Variants in TAFA5 observed in about 807,000 individuals in gnomAD.
TAFA5 encodes the protein chemokine-like protein TAFA-5.
TAFA5 carries 6 observed loss-of-function variants against 15.3 expected under a neutral mutation model. The ratio of observed to expected loss-of-function variants is 0.39; its 90% CI spans 0.21 to 0.77. The LOEUF (loss-of-function observed/expected upper bound fraction) is 0.77, where lower values mean the gene tolerates loss of function less well. TAFA5 is among the 30% of genes least tolerant of loss of function. The pLI, the probability that TAFA5 is intolerant of heterozygous loss-of-function variation, is 0.41. For synonymous variants in TAFA5, 103 were observed against 80.7 expected (o/e 1.28, Z -1.48); for missense variants, 161 against 193.1 (o/e 0.83, Z 0.98).
At chr22:48,699,975 A>G (rs1041567504) in intron 2 of TAFA5, among the ~76,000 whole-genome samples, 2 of 152,200 alleles carry the variant, frequency 1.3e-5, no homozygotes, top group Admixed American at 6.5e-5. Context: ...TACACGGGGT[A>G]TTGGGAGTGG....
At chr22:48,697,306 G>A (rs1485620708) in intron 2 of TAFA5, among the ~76,000 whole-genome samples, 1 of 152,192 alleles carries the variant, frequency 6.6e-6, no homozygotes, top group Non-Finnish European at 1.5e-5. Flanking sequence ...CCAGGTAGCT[G>A]CTGACGATGG....
chr22:48,548,564 G>A (rs988760398), intron 1 of TAFA5, among the ~76,000 whole-genome samples: 1 of 152,176 alleles, frequency 6.6e-6, no homozygotes, highest in African/African-American at 2.4e-5. Context: ...TCCAGGCTCT[G>A]GGGCAGGGGA....
At chr22:48,739,579 G>T (rs1201916104) in intron 3 of TAFA5, among the ~76,000 whole-genome samples, 1 of 152,166 alleles carries the variant, frequency 6.6e-6, no homozygotes, top group African/African-American at 2.4e-5. Flanking sequence ...GTGGGTGAGT[G>T]GCCGGCACTG....
At chr22:48,637,867 G>C (rs1469362237) in intron 1 of TAFA5, among the ~76,000 whole-genome samples, 1 of 151,876 alleles carries the variant, frequency 6.6e-6, no homozygotes, top group Non-Finnish European at 1.5e-5. Context: ...TTCTCCTTCC[G>C]GTTTATGAAT....
intron 1 of TAFA5, among the ~76,000 whole-genome samples, chr22:48,582,038 G>A (rs1924066138): frequency 6.6e-6 from 1 of 152,082 alleles, no homozygotes; most frequent in South Asian, 2.1e-4. Flanking sequence ...GCTCCTTTGA[G>A]ACCAACCATG....
At chr22:48,706,377 G>A (rs1436500408) in intron 2 of TAFA5, among the ~76,000 whole-genome samples, 1 of 152,240 alleles carries the variant, frequency 6.6e-6, no homozygotes, top group Admixed American at 6.5e-5. Context: ...CGAGGAAGGG[G>A]AGGAAAAGGC....
intron 1 of TAFA5, chr22:48,546,613 T>A (rs1306589582): frequency 2.1e-6 from 1 of 471,078 alleles, no homozygotes; most frequent in Non-Finnish European, 4.4e-6. Flanking sequence ...CCTAAAAGGA[T>A]CAAGAGTGCG....
chr22:48,575,737 G>A (rs1923753317), intron 1 of TAFA5, among the ~76,000 whole-genome samples: 1 of 145,478 alleles, frequency 6.9e-6, no homozygotes, highest in Admixed American at 6.8e-5. Flanking sequence ...GTCCGGTGGG[G>A]ACCGGCCCGC....
intron 1 of TAFA5, chr22:48,547,336 G>C (rs1336178144): frequency 6.6e-6 from 1 of 152,254 alleles, no homozygotes; most frequent in African/African-American, 2.4e-5. Flanking sequence ...GGGGAATGTT[G>C]CTTTGGAACA....
chr22:48,678,478 G>T (rs1330069205), intron 2 of TAFA5, among the ~76,000 whole-genome samples: 1 of 151,846 alleles, frequency 6.6e-6, no homozygotes, highest in Non-Finnish European at 1.5e-5. Context: ...GAGGCCTGTG[G>T]TCCAGGGAAG....
At chr22:48,687,961 T>C (rs192946926) in intron 2 of TAFA5, among the ~76,000 whole-genome samples, 1 of 152,206 alleles carries the variant, frequency 6.6e-6, no homozygotes, top group East Asian at 1.9e-4. Flanking sequence ...CTTAAATAGC[T>C]TCTGTCAGTT....
intron 1 of TAFA5, among the ~76,000 whole-genome samples, chr22:48,601,156 ATAGGT>A (rs1924956366): frequency 6.6e-6 from 1 of 151,970 alleles, no homozygotes; most frequent in Non-Finnish European, 1.5e-5. Context: ...ACACTTTGTC[ATAGGT>A]TTGTATGTAG....
intron 1 of TAFA5, among the ~76,000 whole-genome samples, chr22:48,496,903 C>T (rs764513564): frequency 5.3e-5 from 8 of 152,192 alleles, no homozygotes; most frequent in Non-Finnish European, 1.0e-4. Context: ...AAAGCAATAC[C>T]ACTAACACAG....
intron 2 of TAFA5, among the ~76,000 whole-genome samples, chr22:48,649,389 C>T (rs1329880473): frequency 6.6e-6 from 1 of 152,168 alleles, no homozygotes; most frequent in African/African-American, 2.4e-5. Flanking sequence ...GCGCGAGAGG[C>T]TGAGCTTGCT....
rs901798714 is a variant in TAFA5 at position 48,517,783 on chromosome 22, G to A, written c.112+28079G>A. Among the ~76,000 whole-genome samples the A allele has an allele frequency of 9.6e-4, 146 of 152,070 alleles. 1 individual carries two copies. Among genetic ancestry groups the A allele is most frequent in the African/African-American group, 3.1e-3 (129 of 41,482 alleles). ...CCTGCTTCCCGGGGCCACCTCTGCC[G>A]TGCCGTCTCCTCCCTCTCCCCTGCC... On this transcript the variant is annotated intron_variant, in intron 1 of 3. Coordinates refer to ENST00000402357, the MANE Select transcript of TAFA5 (RefSeq NM_001082967.3).
intron 1 of TAFA5, among the ~76,000 whole-genome samples, chr22:48,580,311 A>G (rs1014389238): frequency 4.6e-5 from 7 of 152,246 alleles, no homozygotes; most frequent in Admixed American, 4.6e-4. Context: ...CCGCGCAGTC[A>G]TCATTAATTG....
rs2147131890 is a variant in TAFA5, at chr22:48,560,444, G to A, written c.112+70740G>A. Among the ~76,000 whole-genome samples the A allele has an allele frequency of 6.6e-6, 1 of 152,232 alleles. No individual in the cohort carries two copies. The highest frequency in any genetic ancestry group is 6.5e-5 in the Admixed American group (1 of 15,300). ...GGTGCAGGTAGGCCATCAGGGCCTG[G>A]GGCCAGCCCGGGCAAGGACAGTGCC... On this transcript the variant is annotated intron_variant, in intron 1 of 3. Transcript: ENST00000402357. This position sits in a 1 kb window ranked among gnomAD's most constrained non-coding sequence, Gnocchi z 4.2.
rs115828377 is a variant in TAFA5, at chr22:48,653,837, C to G, written c.262+7091C>G. Among the ~76,000 whole-genome samples the G allele has an allele frequency of 8.3e-3, 1,261 of 152,184 alleles. 13 individuals are homozygous for G. The highest frequency in any genetic ancestry group is 0.029 in the African/African-American group (1,189 of 41,518). On this transcript the variant is annotated intron_variant, in intron 2 of 3. Coordinates refer to ENST00000402357, the MANE Select transcript of TAFA5 (RefSeq NM_001082967.3). ...ACAGCTCAGGGTGAAGGAGAGGAGA[C>G]CCCAGCATTCACGGGCACTACGTGA...
At chr22:48,642,075 C>T (rs1002680112) in intron 1 of TAFA5, among the ~76,000 whole-genome samples, 5 of 151,588 alleles carry the variant, frequency 3.3e-5, no homozygotes, top group African/African-American at 7.3e-5. Flanking sequence ...GAGGGGCCTG[C>T]ACTTTTCTGA....
Sources: allele counts gnomAD v4.1 joint callset (sites outside exome capture counted in the v4.1 genomes callset), GRCh38; gene constraint gnomAD v4.1.1; non-coding constraint Gnocchi (gnomAD v3.1); transcripts MANE v1.5; gene names NCBI Gene and HGNC (gene_info 2026-07-23, HGNC 2026-07-21).